Variants in PDE4D observed in about 807,000 individuals in gnomAD.
PDE4D encodes the protein 3',5'-cyclic-AMP phosphodiesterase 4D.
Under a neutral mutation model 87.4 loss-of-function variants are expected in PDE4D, and 24 were observed. The observed-to-expected ratio is 0.27, with a 90% CI of 0.20 to 0.39. The LOEUF (loss-of-function observed/expected upper bound fraction) is 0.39, where lower values mean the gene tolerates loss of function less well. Ranked by LOEUF, PDE4D falls within the 10% of genes least tolerant of loss-of-function variation. PDE4D has a pLI of 1.00. For missense variants in PDE4D, 714 were observed against 1,041.0 expected (o/e 0.69, Z 4.32); for synonymous variants, 384 against 383.2 (o/e 1.00, Z -0.02).
intron 5 of PDE4D, chr5:59,039,270 C>G: frequency 1.7e-6 from 2 of 1,173,762 alleles, no homozygotes; most frequent in Non-Finnish European, 1.1e-6. Flanking sequence ...GCGGAAAAAC[C>G]ACTATGCGAC....
rs375250545 is a variant in PDE4D, at chr5:59,006,962, T to C, written c.922-13497A>G. 5.6e-4 allele frequency among the ~76,000 whole-genome samples: 85 copies of C among 152,282 alleles called. No homozygotes were observed. The South Asian group carries it at 7.9e-3, about 14-fold the overall frequency. On this transcript the variant is annotated intron_variant, in intron 6 of 14. Transcript: ENST00000340635. ...CAGTAGTAAGTAACAGGGCCAGGAT[T>C]TGAACCCAGACTGTCTGGTTTCAGA...
chr5:59,118,146 G>A (rs529609364), intron 5 of PDE4D, among the ~76,000 whole-genome samples: 1 of 152,166 alleles, frequency 6.6e-6, no homozygotes, highest in Non-Finnish European at 1.5e-5. Flanking sequence ...AGTTTCCAGG[G>A]CTTACATTGC....
In PDE4D at chr5:59,651,083, A is replaced by G. The variant is rs956375479; in HGVS notation, c.455+242085T>C. On this transcript the variant is annotated intron_variant, in intron 1 of 14. Transcript: ENST00000340635. ...ATCCTGGCCAACATAGTGAAACCCCATCTCTACTAAAAATACAAAAAAATT... is the reference window on the plus strand; with the variant it reads ...ATCCTGGCCAACATAGTGAAACCCCGTCTCTACTAAAAATACAAAAAAATT... Among the ~76,000 whole-genome samples, 11 of 151,742 alleles carry G rather than the reference A, an allele frequency of 7.2e-5. No homozygotes were observed. The East Asian group carries it at 7.8e-4, about 11-fold the overall frequency.
chr5:60,501,638 T>G (rs937312519), intron 1 of PDE4D, among the ~76,000 whole-genome samples: 1 of 151,544 alleles, frequency 6.6e-6, no homozygotes, highest in African/African-American at 2.4e-5. Flanking sequence ...GTGTTCCTAT[T>G]TCTCCACATC....
chr5:59,019,710 G>A (rs937267265), intron 6 of PDE4D, among the ~76,000 whole-genome samples: 4 of 152,142 alleles, frequency 2.6e-5, no homozygotes, highest in Admixed American at 2.0e-4. Context: ...AGCTTAAGGA[G>A]CACTTTTTCT....
At chr5:59,311,253 G>A (rs533413204) in intron 1 of PDE4D, among the ~76,000 whole-genome samples, 8 of 152,106 alleles carry the variant, frequency 5.3e-5, no homozygotes, top group East Asian at 1.9e-4. Context: ...TCAGCTGGGC[G>A]TGGTGGCTCA....
intron 1 of PDE4D, among the ~76,000 whole-genome samples, chr5:60,484,749 G>A (rs771872044): frequency 6.6e-6 from 1 of 152,086 alleles, no homozygotes; most frequent in Non-Finnish European, 1.5e-5. Context: ...CAAAAGTTTT[G>A]TCCATTACTG....
intron 1 of PDE4D, among the ~76,000 whole-genome samples, chr5:59,775,276 T>C (rs995695876): frequency 1.3e-5 from 2 of 152,126 alleles, no homozygotes; most frequent in Non-Finnish European, 1.5e-5. Flanking sequence ...ACCAAACATT[T>C]TGTCTGCAAC....
At chr5:59,669,907 T>C (rs1313492543) in intron 1 of PDE4D, among the ~76,000 whole-genome samples, 1 of 152,208 alleles carries the variant, frequency 6.6e-6, no homozygotes, top group Non-Finnish European at 1.5e-5. Flanking sequence ...ATTTTGGGCA[T>C]GATTTCATTT....
Position 59,324,496 on chromosome 5 carries a change from A to G in PDE4D, c.456-108528T>C, listed in dbSNP as rs1193119904. ...GTGAAACCATTTTGGCCAATAAGAC[A>G]TTGAAGGGAAGTGGGACAAGGGGAG... On this transcript the variant is annotated intron_variant, in intron 1 of 14. Coordinates refer to ENST00000340635, the MANE Select transcript of PDE4D (RefSeq NM_001104631.2). 2.6e-5 allele frequency among the ~76,000 whole-genome samples: 4 copies of G among 152,116 alleles called. 1 individual carries two copies. Among genetic ancestry groups the G allele is most frequent in the African/African-American group, 9.7e-5 (4 of 41,444 alleles).
intron 6 of PDE4D, among the ~76,000 whole-genome samples, chr5:59,010,452 TTTTGTTTTATTTTTA>T (rs1752556590): frequency 6.6e-6 from 1 of 152,092 alleles, no homozygotes; most frequent in African/African-American, 2.4e-5. Flanking sequence ...TATTGTCCTT[TTTTGTTTTATTTTTA>T]TTTGTATCAA....
At chr5:59,450,790 C>A (rs1279751889) in intron 1 of PDE4D, among the ~76,000 whole-genome samples, 3 of 152,166 alleles carry the variant, frequency 2.0e-5, no homozygotes, top group African/African-American at 7.2e-5. Context: ...CCTCCTGTTA[C>A]CAACTCGGGC....
chr5:59,433,487 T>C lies in PDE4D; in HGVS notation c.456-217519A>G, dbSNP rs566395538. Among the ~76,000 whole-genome samples, 4 of 152,230 alleles carry C rather than the reference T, an allele frequency of 2.6e-5. No individual in the cohort carries two copies. The South Asian group carries it at 8.3e-4, about 32-fold the overall frequency. ...TTAAGGGAAGAAAATGGAATCTTTC[T>C]ATCGTCAACAATTCCCTTTCTCTGG... On this transcript the variant is annotated intron_variant, in intron 1 of 14. Transcript: ENST00000340635.
chr5:59,186,130 G>T (rs917126465), intron 3 of PDE4D, among the ~76,000 whole-genome samples: 1 of 152,178 alleles, frequency 6.6e-6, no homozygotes, highest in African/African-American at 2.4e-5. Flanking sequence ...TGGGATTATA[G>T]GTGATTTGGG....
chr5:59,147,230 A>G (rs1381483137), intron 5 of PDE4D, among the ~76,000 whole-genome samples: 1 of 152,218 alleles, frequency 6.6e-6, no homozygotes, highest in African/African-American at 2.4e-5. Flanking sequence ...TGGCAGTTCC[A>G]TTTAAATTTT....
At chr5:59,033,852 G>C (rs1050239942) in intron 6 of PDE4D, among the ~76,000 whole-genome samples, 2 of 152,056 alleles carry the variant, frequency 1.3e-5, no homozygotes, top group Non-Finnish European at 2.9e-5. Flanking sequence ...AATTTATCTA[G>C]TAATGATTAA....
In PDE4D at chr5:59,212,397, C is replaced by T. The variant is rs559999881; in HGVS notation, c.647+3380G>A. 2.6e-5 allele frequency among the ~76,000 whole-genome samples: 4 copies of T among 151,932 alleles called. No individual in the cohort carries two copies. The South Asian group carries it at 8.3e-4, about 32-fold the overall frequency. On this transcript the variant is annotated intron_variant, in intron 2 of 14. Coordinates refer to ENST00000340635, the MANE Select transcript of PDE4D (RefSeq NM_001104631.2). ...ATCTTACTGCTCCAATGTAAATATC[C>T]AAGGAGAATGGAAAGCTAAACATAT...
chr5:59,519,421 G>A (rs374795406), intron 1 of PDE4D, among the ~76,000 whole-genome samples: 21 of 152,328 alleles, frequency 1.4e-4, no homozygotes, highest in African/African-American at 4.3e-4. Context: ...TGAAGGGCAG[G>A]ATGGAACCAG....
chr5:59,513,058 A>G (rs761757763), intron 1 of PDE4D, among the ~76,000 whole-genome samples: 16 of 152,190 alleles, frequency 1.1e-4, no homozygotes, highest in Non-Finnish European at 2.2e-4. Flanking sequence ...GAAGGGCAAA[A>G]TATTCATCTT....
Sources: gnomAD v4.1 joint callset for allele counts (sites outside exome capture counted in the v4.1 genomes callset) on GRCh38, gnomAD v4.1.1 for gene constraint, MANE v1.5 for transcripts, NCBI Gene and HGNC (gene_info 2026-07-23, HGNC 2026-07-21) for gene names.